The following ARHGEF28 variants were observed in gnomAD, a reference collection of about 807,000 sequenced individuals.
The protein encoded by ARHGEF28 is 190 kDa guanine nucleotide exchange factor.
Under a neutral mutation model 206.6 loss-of-function variants are expected in ARHGEF28, and 152 were observed. The ratio of observed to expected loss-of-function variants is 0.74; its 90% CI spans 0.64 to 0.84. The LOEUF is 0.84. Ranked by LOEUF, ARHGEF28 falls within the 40% of genes least tolerant of loss-of-function variation. The pLI is 0.00. For synonymous variants in ARHGEF28, 763 were observed against 776.4 expected (o/e 0.98, Z 0.29); for missense variants, 2,028 against 2,073.2 (o/e 0.98, Z 0.42).
chr5:73,742,035 CT>C (rs1751465251), intron 2 of ARHGEF28, among the ~76,000 whole-genome samples: 7 of 152,104 alleles, frequency 4.6e-5, no homozygotes, highest in Admixed American at 4.6e-4. Context: ...ATATTATCTT[CT>C]TCAACTGACT....
At chr5:73,645,132 C>T (rs1158668474) in intron 1 of ARHGEF28, among the ~76,000 whole-genome samples, 1 of 152,060 alleles carries the variant, frequency 6.6e-6, no homozygotes, top group Non-Finnish European at 1.5e-5. Flanking sequence ...AGAATTTAAG[C>T]AACTTGGTTA....
chr5:73,738,094 G>A (rs1751122486), intron 2 of ARHGEF28, among the ~76,000 whole-genome samples: 1 of 152,182 alleles, frequency 6.6e-6, no homozygotes, highest in South Asian at 2.1e-4. Flanking sequence ...TGGGTGCTGA[G>A]GAACTTTAGG....
intron 31 of ARHGEF28, chr5:73,902,912 G>A (rs959584541): frequency 2.0e-5 from 3 of 152,198 alleles, no homozygotes; most frequent in African/African-American, 7.2e-5. Context: ...AGAAGCAGTG[G>A]AGTGTGGATG....
At position 73,798,095 on chromosome 5, in the gene ARHGEF28, G is replaced by A. The variant is rs553952568; in HGVS notation, c.1024+2704G>A. Among the ~76,000 whole-genome samples the A allele has an allele frequency of 3.0e-4, 45 of 152,130 alleles. 1 individual carries two copies. The South Asian group carries it at 8.7e-3, about 29-fold the overall frequency. ...TATTGTTTTCTATTTTTTTTAAGTT[G>A]TTGTGGTACATTGGAGATGTATATA... On this transcript the variant is annotated intron_variant, in intron 9 of 35. Transcript: ENST00000513042.
rs948576023 is a variant in ARHGEF28 at position 73,941,097 on chromosome 5, T to C, written c.*84T>C. On this transcript the variant is annotated 3_prime_UTR_variant, in exon 36 of 36. Coordinates refer to ENST00000513042, the MANE Select transcript of ARHGEF28 (RefSeq NM_001177693.2). Reference sequence around the variant, plus strand: ...GTCTCCATTCCTTATGTATGTGTGATTGTCTGTGTCCAAATTGCTTTAAGA... The same window carrying C: ...GTCTCCATTCCTTATGTATGTGTGACTGTCTGTGTCCAAATTGCTTTAAGA... The C allele has an allele frequency of 7.9e-7, 1 of 1,262,818 alleles. No individual in the cohort carries two copies. Among genetic ancestry groups the C allele is most frequent in the Non-Finnish European group, 1.0e-6 (1 of 977,592 alleles). 78.2% of individuals were successfully genotyped at this position (1,262,818 alleles called of 1,614,324 possible).
chr5:73,669,991 T>C (rs956469612), intron 1 of ARHGEF28, among the ~76,000 whole-genome samples: 1 of 152,164 alleles, frequency 6.6e-6, no homozygotes, highest in African/African-American at 2.4e-5. Flanking sequence ...TAGGCCAGTT[T>C]TACTTATATT....
chr5:73,639,206 G>A (rs1743913726), intron 1 of ARHGEF28, among the ~76,000 whole-genome samples: 1 of 148,646 alleles, frequency 6.7e-6, no homozygotes, highest in South Asian at 2.1e-4. Flanking sequence ...GAGAGATTAG[G>A]GAGGATTTTC....
rs753449681 is a variant in ARHGEF28, at chr5:73,794,382, G to C, written c.911-20G>C. On this transcript the variant is annotated intron_variant, in intron 7 of 35. Coordinates refer to ENST00000513042, the MANE Select transcript of ARHGEF28 (RefSeq NM_001177693.2). ...ACAAAAGCTCCCATCAGCAGATCCT[G>C]ATAATTATTTCTTTTGCAGAGATTA... 1.3e-6 allele frequency: 2 copies of C among 1,579,992 alleles called. No individual in the cohort carries two copies. The highest frequency in any genetic ancestry group is 1.3e-5 in the African/African-American group (1 of 74,168).
At position 73,824,845 on chromosome 5, in the gene ARHGEF28, G is replaced by C. The variant is rs376003572; in HGVS notation, c.1025-7493G>C. On this transcript the variant is annotated intron_variant, in intron 9 of 35. Transcript: ENST00000513042. ...CCCAGCAGGTTGCACAGTACCTGGT[G>C]ATCAGTAGACACTCAGTAAGTGTTG... Among the ~76,000 whole-genome samples the C allele has an allele frequency of 1.3e-3, 201 of 152,162 alleles. 5 individuals carry two copies. In the South Asian group the frequency reaches 0.041, roughly 31 times the overall value.
At chr5:73,833,971 G>A (rs1240741604) in intron 10 of ARHGEF28, among the ~76,000 whole-genome samples, 1 of 152,108 alleles carries the variant, frequency 6.6e-6, no homozygotes, top group African/African-American at 2.4e-5. Flanking sequence ...TTTGGATGGG[G>A]ACACAGTGCC....
intron 4 of ARHGEF28, among the ~76,000 whole-genome samples, chr5:73,762,753 A>C (rs1285151712): frequency 6.6e-6 from 1 of 152,062 alleles, no homozygotes; most frequent in Non-Finnish European, 1.5e-5. Context: ...ATATCACTGC[A>C]GTTGGGGCCA....
intron 29 of ARHGEF28, 120 bp from the exon 30 acceptor site, chr5:73,897,842 T>C (rs1481577901): frequency 1.1e-5 from 12 of 1,139,762 alleles, no homozygotes; most frequent in Non-Finnish European, 1.3e-5. Context: ...AAAATCATTT[T>C]TAGCCCCTGG....
At chr5:73,821,130 G>T (rs946358005) in intron 9 of ARHGEF28, among the ~76,000 whole-genome samples, 2 of 151,952 alleles carry the variant, frequency 1.3e-5, no homozygotes, top group Admixed American at 6.6e-5. Flanking sequence ...CTACCTACCC[G>T]GTAGTATCTC....
At chr5:73,807,544 G>T (rs185435040) in intron 9 of ARHGEF28, among the ~76,000 whole-genome samples, 1 of 151,234 alleles carries the variant, frequency 6.6e-6, no homozygotes, top group Non-Finnish European at 1.5e-5. Flanking sequence ...GAGTGCAATG[G>T]TGTGATCTCA....
intron 1 of ARHGEF28, among the ~76,000 whole-genome samples, chr5:73,679,153 G>T (rs1746904356): frequency 6.6e-6 from 1 of 152,220 alleles, no homozygotes; most frequent in Admixed American, 6.5e-5. Flanking sequence ...AATAAAAAAA[G>T]TTAGAAATCT....
intron 2 of ARHGEF28, among the ~76,000 whole-genome samples, chr5:73,692,225 G>A (rs574343812): frequency 6.6e-6 from 1 of 152,232 alleles, no homozygotes; most frequent in South Asian, 2.1e-4. Context: ...GTCAGAATTT[G>A]ACTAATCCGT....
intron 35 of ARHGEF28, among the ~76,000 whole-genome samples, chr5:73,931,377 G>A (rs2112025626): frequency 6.6e-6 from 1 of 152,182 alleles, no homozygotes; most frequent in Admixed American, 6.5e-5. Flanking sequence ...TTTCACTTTA[G>A]AGGTATATTT....
intron 2 of ARHGEF28, among the ~76,000 whole-genome samples, chr5:73,733,751 T>A (rs529624294): frequency 1.3e-5 from 2 of 152,200 alleles, no homozygotes; most frequent in African/African-American, 4.8e-5. Context: ...AATTAAGAAA[T>A]GAGATGAGGC....
chr5:73,664,821 A>G (rs1225816261), intron 1 of ARHGEF28, among the ~76,000 whole-genome samples: 1 of 152,140 alleles, frequency 6.6e-6, no homozygotes, highest in Non-Finnish European at 1.5e-5. Flanking sequence ...CTCTTTCTGA[A>G]GCTCCAGAAC....
Sources: gnomAD v4.1 joint callset for allele counts (sites outside exome capture counted in the v4.1 genomes callset) on GRCh38, gnomAD v4.1.1 for gene constraint, MANE v1.5 for transcripts, NCBI Gene and HGNC (gene_info 2026-07-23, HGNC 2026-07-21) for gene names.